The following ACACB variants were observed in gnomAD, a reference collection of about 807,000 sequenced individuals.
ACACB encodes the protein acetyl-CoA carboxylase beta.
ACACB carries 209 observed loss-of-function variants against 278.8 expected under a neutral mutation model. The observed-to-expected ratio is 0.75, with a 90% CI of 0.67 to 0.84. The LOEUF (loss-of-function observed/expected upper bound fraction) is 0.84, where lower values mean the gene tolerates loss of function less well. Among genes scored for constraint, ACACB ranks in the 40% least tolerant of loss-of-function variants. The pLI is 0.00. For synonymous variants in ACACB, 1,174 were observed against 1,285.6 expected, an observed-to-expected ratio of 0.91 and a Z score of 1.86; for missense variants, 2,850 against 3,269.0, an observed-to-expected ratio of 0.87 and a Z score of 3.13.
chr12:109,222,323 G>C (rs2046192759), intron 24 of ACACB, among the ~76,000 whole-genome samples, 184 bp from the exon 25 acceptor site: 2 of 152,194 alleles, frequency 1.3e-5, no homozygotes, highest in Non-Finnish European at 2.9e-5. Flanking sequence ...GTGAATGAAT[G>C]ACTGACTGGG....
chr12:109,241,919 T>G (rs1452138686), intron 36 of ACACB: 1 of 156,114 alleles, frequency 6.4e-6, no homozygotes, highest in Non-Finnish European at 1.4e-5. Context: ...CCCAAGTAGC[T>G]GGGACTACAG....
In ACACB at chr12:109,253,039, T is replaced by A. The variant is rs1229125408; in HGVS notation, c.5926T>A (p.Ser1976Thr). 1 of 1,612,008 alleles carries A rather than the reference T, an allele frequency of 6.2e-7. No homozygotes were observed. The highest frequency in any genetic ancestry group is 1.3e-5 in the African/African-American group (1 of 74,862). The change falls in exon 43 of 53, where the codon TCC (serine) becomes ACC (threonine). Residue 1976 changes from serine to threonine, a missense_variant. Physicochemically the swap from Ser to Thr is moderately conservative, Grantham distance 58. Transcript: ENST00000338432. ...GGTCCTGGGAAGAGAGGTCTACACA[T>A]CCAACAACCAGCTGGGTGGCGTTCA... ...NKVLGREVYT[S>T]NNQLGGVQIM...
intron 19 of ACACB, among the ~76,000 whole-genome samples, chr12:109,204,844 A>G (rs1382639529): frequency 6.6e-6 from 1 of 151,862 alleles, no homozygotes; most frequent in East Asian, 1.9e-4. Flanking sequence ...TCTTTTCATT[A>G]GTCTCTTTCT....
intron 25 of ACACB, 89 bp downstream of exon 25, chr12:109,222,709 G>A: frequency 1.3e-6 from 2 of 1,520,228 alleles, no homozygotes; most frequent in East Asian, 4.6e-5. Flanking sequence ...ACCATGCACA[G>A]TCCCACCGTG....
At chr12:109,260,343 C>T in intron 47 of ACACB, 137 bp from the exon 48 acceptor site, 1 of 1,205,048 alleles carries the variant, frequency 8.3e-7, no homozygotes, top group Non-Finnish European at 1.2e-6. Context: ...GTGATCAGTA[C>T]TCTCAAATCC....
At chr12:109,131,120 G>A (rs905052681) in intron 1 of ACACB, among the ~76,000 whole-genome samples, 1 of 152,200 alleles carries the variant, frequency 6.6e-6, no homozygotes, top group African/African-American at 2.4e-5. Flanking sequence ...TCAAGCCCAC[G>A]AAGCCCCTGG....
At position 109,266,885 on chromosome 12, in the gene ACACB, C is replaced by T. The variant is rs896662794; in HGVS notation, c.*523C>T. 2 of 149,038 alleles carry T rather than the reference C, an allele frequency of 1.3e-5. No homozygotes were observed. The highest frequency in any genetic ancestry group is 4.9e-5 in the African/African-American group (2 of 40,452). 9.2% of individuals were successfully genotyped at this position (149,038 alleles called of 1,614,324 possible). Reference sequence around the variant, plus strand: ...GTTTCTTTGGATACTGTCTAGTCACCCAGAAAAATGTATGGATGAATTTTT... The same window carrying T: ...GTTTCTTTGGATACTGTCTAGTCACTCAGAAAAATGTATGGATGAATTTTT... On this transcript the variant is annotated 3_prime_UTR_variant, in exon 53 of 53. Coordinates refer to ENST00000338432, the MANE Select transcript of ACACB (RefSeq NM_001093.4).
At chr12:109,248,749 A>G (rs894872615) in intron 40 of ACACB, among the ~76,000 whole-genome samples, 2 of 152,206 alleles carry the variant, frequency 1.3e-5, no homozygotes, top group African/African-American at 4.8e-5. Flanking sequence ...AATCTCCTCT[A>G]GCAACACCCT....
chr12:109,232,726 C>A lies in ACACB; in HGVS notation c.4059C>A (p.Leu1353=). 6.2e-7 allele frequency: 1 copy of A among 1,614,180 alleles called. No homozygotes were observed. Among genetic ancestry groups the A allele is most frequent in the Non-Finnish European group, 8.5e-7 (1 of 1,180,038 alleles). Residue 1353 remains leucine, a synonymous_variant, in exon 29 of 53, where the codon CTC becomes CTA. Transcript: ENST00000338432. The stretch of plus-strand genomic sequence containing the variant: ...ACCTGCTGAGGCACAGCACAGAGCT[C>A]TTCATGGACAGCGGCTTCTCCCCAC... ...NPDLLRHSTE[L]FMDSGFSPLC...
chr12:109,163,541 A>T (rs908787690), intron 2 of ACACB, among the ~76,000 whole-genome samples: 2 of 152,212 alleles, frequency 1.3e-5, no homozygotes, highest in African/African-American at 4.8e-5. Flanking sequence ...GGAAAAATGC[A>T]TAAACCAGTA....
chr12:109,144,738 TTTTCTTTCTTTCTTTC>T (rs1305333298), intron 2 of ACACB, among the ~76,000 whole-genome samples: 3 of 118,336 alleles, frequency 2.5e-5, no homozygotes, highest in African/African-American at 9.6e-5. Context: ...TTCTTTTTCT[TTTTCTTTCTTTCTTTC>T]TTTTTTTTTT....
intron 11 of ACACB, among the ~76,000 whole-genome samples, chr12:109,182,902 A>G (rs909651777): frequency 2.6e-5 from 4 of 152,044 alleles, no homozygotes; most frequent in African/African-American, 9.7e-5. Context: ...AGTTCCCCCA[A>G]TGTTTTCTTC....
At chr12:109,208,266 G>A (rs2045580866) in intron 20 of ACACB, among the ~76,000 whole-genome samples, 1 of 151,084 alleles carries the variant, frequency 6.6e-6, no homozygotes, top group African/African-American at 2.4e-5. Flanking sequence ...TCCCAGGCTG[G>A]AGTACAGTGG....
At chr12:109,198,797 T>A (rs1019299844) in intron 17 of ACACB, among the ~76,000 whole-genome samples, 8 of 152,138 alleles carry the variant, frequency 5.3e-5, no homozygotes, top group Admixed American at 4.6e-4. Flanking sequence ...TTTTTTTTTT[T>A]TTATTTTTTG....
At chr12:109,201,514 T>C in intron 18 of ACACB, 53 bp from the exon 19 acceptor site, 20 of 1,602,596 alleles carry the variant, frequency 1.2e-5, no homozygotes, top group Non-Finnish European at 1.7e-5. Flanking sequence ...TCTGGGTGGC[T>C]CTGGGTGTCA....
At chr12:109,245,790 C>A (rs755233510) in intron 38 of ACACB, 42 bp downstream of exon 38, 2 of 1,602,946 alleles carry the variant, frequency 1.2e-6, no homozygotes, top group Non-Finnish European at 1.7e-6. Context: ...GGAGTCACCC[C>A]CTTAAAAATA....
In ACACB at chr12:109,264,336, G is replaced by A. The variant is rs747767589; in HGVS notation, c.6892G>A (p.Ala2298Thr). 3.1e-5 allele frequency: 50 copies of A among 1,613,922 alleles called. No homozygotes were observed. Among genetic ancestry groups the A allele is most frequent in the Admixed American group, 8.3e-5 (5 of 59,972 alleles). ...PIYHQVAVQF[A>T]DFHDTPGRML... ...CTACCACCAGGTGGCGGTGCAGTTCGCCGACTTCCATGACACACCCGGCCG... is the reference window on the plus strand; with the variant it reads ...CTACCACCAGGTGGCGGTGCAGTTCACCGACTTCCATGACACACCCGGCCG... Residue 2298 changes from alanine to threonine, a missense_variant, in exon 50 of 53, where the codon GCC becomes ACC. Ala to Thr is a moderately conservative substitution (Grantham distance 58). Coordinates refer to ENST00000338432, the MANE Select transcript of ACACB (RefSeq NM_001093.4).
intron 28 of ACACB, among the ~76,000 whole-genome samples, chr12:109,229,165 A>G (rs1433607347): frequency 6.6e-6 from 1 of 152,152 alleles, no homozygotes; most frequent in East Asian, 1.9e-4. Flanking sequence ...CTGATCTTGA[A>G]TGCCTGACCT....
intron 1 of ACACB, among the ~76,000 whole-genome samples, chr12:109,128,615 G>A (rs547772539): frequency 6.6e-5 from 10 of 152,118 alleles, no homozygotes; most frequent in South Asian, 6.2e-4. Context: ...CTGGGATTAC[G>A]GGCGTGAGCC....
Sources: gnomAD v4.1 joint callset for allele counts (sites outside exome capture counted in the v4.1 genomes callset) on GRCh38, gnomAD v4.1.1 for gene constraint, MANE v1.5 for transcripts, NCBI Gene and HGNC (gene_info 2026-07-23, HGNC 2026-07-21) for gene names.